ASIC2: variants seen among roughly 807,000 people sequenced by gnomAD.
ASIC2 encodes acid-sensing ion channel 2.
ASIC2 carries 25 observed loss-of-function variants against 57.3 expected under a neutral mutation model. The observed-to-expected ratio is 0.44, with a 90% CI of 0.32 to 0.61. ASIC2 has a LOEUF of 0.61. Among genes scored for constraint, ASIC2 ranks in the 20% least tolerant of loss-of-function variants. The pLI, the probability that ASIC2 is intolerant of heterozygous loss-of-function variation, is 0.06. For synonymous variants in ASIC2, 319 were observed against 307.5 expected (o/e 1.04, Z -0.39); for missense variants, 641 against 738.1 (o/e 0.87, Z 1.52).
chr17:33,952,312 G>A (rs1904603553), intron 1 of ASIC2, among the ~76,000 whole-genome samples: 1 of 152,130 alleles, frequency 6.6e-6, no homozygotes, highest in Non-Finnish European at 1.5e-5. Context: ...CCCTCCATCT[G>A]GATAATGGAG....
At chr17:33,463,933 A>G (rs1912725627) in intron 1 of ASIC2, among the ~76,000 whole-genome samples, 1 of 152,212 alleles carries the variant, frequency 6.6e-6, no homozygotes, top group South Asian at 2.1e-4. Flanking sequence ...AGGGTTTGTA[A>G]CATGAATGAA....
At chr17:33,860,781 T>C (rs1914081469) in intron 1 of ASIC2, among the ~76,000 whole-genome samples, 1 of 152,242 alleles carries the variant, frequency 6.6e-6, no homozygotes, top group Non-Finnish European at 1.5e-5. Flanking sequence ...CTATCAGTCA[T>C]GTATGCAGAT....
At position 33,612,156 on chromosome 17, in the gene ASIC2, CA is replaced by C. The variant is rs112073163; in HGVS notation, c.556-500090del. On this transcript the variant is annotated intron_variant, in intron 1 of 9. Transcript: ENST00000359872. ...GATTAAATGAGGCCCACCCACATTG[CA>C]GAGGGCAATCTGCTTTACTCAGTCT... 8.3e-3 allele frequency among the ~76,000 whole-genome samples: 1,257 copies of C among 152,292 alleles called. 18 individuals are homozygous for C. The highest frequency in any genetic ancestry group is 0.027 in the African/African-American group (1,138 of 41,550).
At position 33,070,430 on chromosome 17, in the gene ASIC2, C is replaced by T. The variant is rs550209408; in HGVS notation, c.987+18433G>A. On this transcript the variant is annotated intron_variant, in intron 3 of 9. Coordinates refer to ENST00000225823, the MANE Select transcript of ASIC2 (RefSeq NM_183377.2). ...TCAGCTCACTGCAACTTCTGCCTCC[C>T]GGGTTCAAGCAATTCTCCTGCCTTA... Among the ~76,000 whole-genome samples, 10 of 151,812 alleles carry T rather than the reference C, an allele frequency of 6.6e-5. No homozygotes were observed. In the East Asian group the frequency reaches 7.8e-4, roughly 12 times the overall value.
At chr17:33,910,169 G>A (rs1189271206) in intron 1 of ASIC2, among the ~76,000 whole-genome samples, 1 of 152,218 alleles carries the variant, frequency 6.6e-6, no homozygotes, top group Admixed American at 6.5e-5. Flanking sequence ...CTGTGCCTAA[G>A]ATGCAAAGAT....
intron 1 of ASIC2, among the ~76,000 whole-genome samples, chr17:33,737,491 T>TTTTTTTTTTTTTTTTTTTAAAGGACA (rs1555556101): frequency 6.6e-6 from 1 of 152,116 alleles, no homozygotes; most frequent in Admixed American, 6.5e-5. Flanking sequence ...AGAAATATTT[T>TTTTTTTTTTTTTTTTTTTAAAGGACA]TAATCTGGTT....
rs1905447288 is a variant in ASIC2, at chr17:33,291,531, C to CGCCTCGA, written c.584_585insTCGAGGC (p.Pro196ArgfsTer55). ...TGATTCCCTCGAAGTGGCGCGGAGG[C>CGCCTCGA]AGGAAGAGGCGGAAGTCCGCCAGCT... On this transcript the variant is annotated frameshift_variant, in exon 1 of 10. Transcript: ENST00000225823. LOFTEE classifies it high-confidence loss of function. 6.2e-7 allele frequency: 1 copy of CGCCTCGA among 1,612,422 alleles called. No homozygotes were observed. Among genetic ancestry groups the CGCCTCGA allele is most frequent in the African/African-American group, 1.3e-5 (1 of 74,924 alleles).
At chr17:33,570,225 C>T (rs1916388345) in intron 1 of ASIC2, among the ~76,000 whole-genome samples, 1 of 152,230 alleles carries the variant, frequency 6.6e-6, no homozygotes, top group Non-Finnish European at 1.5e-5. Context: ...TGTGGTCTTT[C>T]TCCTCCAAGA....
rs546004442 is a variant in ASIC2 at position 33,790,942 on chromosome 17, A to T, written c.555+365036T>A. Reference sequence around the variant, plus strand: ...CTATATTATCCCTTTCTATGGGTGAAAAAAACAGAGGCACAGAGAGGCTGA... The same window carrying T: ...CTATATTATCCCTTTCTATGGGTGATAAAAACAGAGGCACAGAGAGGCTGA... On this transcript the variant is annotated intron_variant, in intron 1 of 9. Transcript: ENST00000359872. Among the ~76,000 whole-genome samples, 5 of 152,296 alleles carry T rather than the reference A, an allele frequency of 3.3e-5. No homozygotes were observed. In the East Asian group the frequency reaches 9.7e-4, roughly 29 times the overall value.
intron 1 of ASIC2, among the ~76,000 whole-genome samples, chr17:33,121,836 C>T (rs899711812): frequency 6.6e-6 from 1 of 152,178 alleles, no homozygotes; most frequent in Non-Finnish European, 1.5e-5. Context: ...GACAGAGATG[C>T]AGTGACTGAG....
chr17:33,839,054 A>G (rs779525263), intron 1 of ASIC2, among the ~76,000 whole-genome samples: 6 of 152,242 alleles, frequency 3.9e-5, no homozygotes, highest in Non-Finnish European at 7.3e-5. Context: ...ACTTTAAAGA[A>G]TAAGATGCAA....
Position 34,053,536 on chromosome 17 carries a change from T to C in ASIC2, c.555+102442A>G, listed in dbSNP as rs142872080. ...AAAGATATTAATAATAGGTGACCTT[T>C]ATTGAGTATATACTATATGCCACAC... On this transcript the variant is annotated intron_variant, in intron 1 of 9. Coordinates refer to the ASIC2 transcript ENST00000359872. Among the ~76,000 whole-genome samples, 340 of 152,362 alleles carry C rather than the reference T, an allele frequency of 2.2e-3. 2 individuals carry two copies. The highest frequency in any genetic ancestry group is 7.8e-3 in the African/African-American group (324 of 41,580).
At chr17:33,674,287 G>A (rs16968734) in intron 1 of ASIC2, among the ~76,000 whole-genome samples, 7,604 of 152,142 alleles carry the variant, frequency 0.05, 496 homozygotes, top group African/African-American at 0.15. Flanking sequence ...CTTTCCCAGC[G>A]TATTACAGTT....
intron 1 of ASIC2, among the ~76,000 whole-genome samples, chr17:33,568,502 G>T (rs1916320822): frequency 6.6e-6 from 1 of 151,992 alleles, no homozygotes; most frequent in African/African-American, 2.4e-5. Context: ...GTGTGTTCTT[G>T]TCCCTCTCAT....
intron 1 of ASIC2, among the ~76,000 whole-genome samples, chr17:33,841,786 C>T (rs990378503): frequency 7.2e-5 from 11 of 152,060 alleles, no homozygotes; most frequent in Non-Finnish European, 7.4e-5. Flanking sequence ...GTGTCAAATC[C>T]CTATCAACCT....
chr17:33,828,783 G>A (rs1913021668), intron 1 of ASIC2, among the ~76,000 whole-genome samples: 1 of 152,192 alleles, frequency 6.6e-6, no homozygotes, highest in Non-Finnish European at 1.5e-5. Flanking sequence ...ACACAATGTA[G>A]ATAAAAACAA....
At chr17:33,283,006 C>T (rs11080210) in intron 1 of ASIC2, among the ~76,000 whole-genome samples, 46,964 of 152,048 alleles carry the variant, frequency 0.31, 7,475 homozygotes, top group African/African-American at 0.39. Context: ...CTTTAAGGGG[C>T]CATCATTCAG....
At chr17:33,173,921 T>G (rs1391073641) in intron 1 of ASIC2, among the ~76,000 whole-genome samples, 1 of 152,296 alleles carries the variant, frequency 6.6e-6, no homozygotes, top group South Asian at 2.1e-4. Context: ...GGCAATCAGA[T>G]GAGAGTAGCC....
At chr17:33,760,332 T>G (rs1434417774) in intron 1 of ASIC2, among the ~76,000 whole-genome samples, 2 of 152,092 alleles carry the variant, frequency 1.3e-5, no homozygotes, top group Non-Finnish European at 2.9e-5. Context: ...TATTACTCAT[T>G]TGAACATCAC....
Sources: gnomAD v4.1 joint callset for allele counts (sites outside exome capture counted in the v4.1 genomes callset) on GRCh38, gnomAD v4.1.1 for gene constraint, MANE v1.5 for transcripts, NCBI Gene and HGNC (gene_info 2026-07-23, HGNC 2026-07-21) for gene names.